CMYA5: variants seen among roughly 807,000 people sequenced by gnomAD.
CMYA5 encodes the protein cardiomyopathy associated 5.
A neutral mutation model predicts 318.9 loss-of-function variants in CMYA5; 246 were observed. That is an observed-to-expected ratio of 0.77 (90% CI 0.70 to 0.86). The LOEUF (loss-of-function observed/expected upper bound fraction) is 0.86. Ranked by LOEUF, CMYA5 falls within the 40% of genes least tolerant of loss-of-function variation. CMYA5 has a pLI of 0.00. For synonymous variants in CMYA5, 1,641 were observed against 1,729.5 expected, an observed-to-expected ratio of 0.95 and a Z score of 1.27; for missense variants, 4,589 against 4,678.2, an observed-to-expected ratio of 0.98 and a Z score of 0.56.
intron 9 of CMYA5, among the ~76,000 whole-genome samples, chr5:79,765,847 G>A (rs574126569): frequency 2.0e-5 from 3 of 152,328 alleles, no homozygotes; most frequent in Non-Finnish European, 4.4e-5. Context: ...TTTGTATCCT[G>A]AGAATTTGCT....
In CMYA5 at chr5:79,729,000, G is replaced by A; in HGVS notation, c.235G>A (p.Glu79Lys). Residue 79 changes from glutamate to lysine, a missense_variant, in exon 2 of 13, where the codon GAA (glutamate) becomes AAA (lysine). Transcript: ENST00000446378. ...CTTTTCCATGGTGACAGTCCAAAGGGAAGATAGTGGGATAACCTGGGAAAC... is the reference window on the plus strand; with the variant it reads ...CTTTTCCATGGTGACAGTCCAAAGGAAAGATAGTGGGATAACCTGGGAAAC... ...PSFSMVTVQR[E>K]DSGITWETNS... The A allele has an allele frequency of 6.2e-7, 1 of 1,613,916 alleles. No homozygotes were observed. The highest frequency in any genetic ancestry group is 1.7e-5 in the Admixed American group (1 of 60,018).
intron 7 of CMYA5, among the ~76,000 whole-genome samples, chr5:79,760,137 A>G (rs1828619760): frequency 6.8e-6 from 1 of 147,688 alleles, no homozygotes; most frequent in Non-Finnish European, 1.5e-5. Flanking sequence ...TTCTAGCTCT[A>G]TTTCATGGCT....
intron 3 of CMYA5, among the ~76,000 whole-genome samples, chr5:79,744,755 G>T (rs184796141): frequency 6.6e-6 from 1 of 152,194 alleles, no homozygotes; most frequent in Admixed American, 6.5e-5. Context: ...GACAGGCAAC[G>T]AAGTTTCTCC....
rs922133598 is a variant in CMYA5, at chr5:79,731,536, A to G, written c.2771A>G (p.Asn924Ser). ...QEEEIVHRSL[N>S]LKGASSPMNL... ...GAAGAAATTGTCCATAGATCTCTAA[A>G]TCTAAAAGGTGCATCCTCACCCATG... Residue 924 changes from asparagine to serine, a missense_variant, in exon 2 of 13, where the codon AAT becomes AGT. Coordinates refer to ENST00000446378, the MANE Select transcript of CMYA5 (RefSeq NM_153610.5). 2 of 1,604,306 alleles carry G rather than the reference A, an allele frequency of 1.2e-6. No homozygotes were observed. The highest frequency in any genetic ancestry group is 4.5e-5 in the East Asian group (2 of 44,850).
At chr5:79,784,947 T>G (rs551331653) in intron 9 of CMYA5, among the ~76,000 whole-genome samples, 1 of 152,170 alleles carries the variant, frequency 6.6e-6, no homozygotes, top group Non-Finnish European at 1.5e-5. Flanking sequence ...CCCAGTAATT[T>G]CATTTTTAAA....
At chr5:79,755,493 G>T (rs1828509803) in intron 6 of CMYA5, among the ~76,000 whole-genome samples, 1 of 152,002 alleles carries the variant, frequency 6.6e-6, no homozygotes. Flanking sequence ...TGCTGTGTTG[G>T]CCAGGTTGGT....
chr5:79,709,387 G>A (rs554337682), intron 1 of CMYA5, among the ~76,000 whole-genome samples: 2 of 152,236 alleles, frequency 1.3e-5, no homozygotes, highest in South Asian at 2.1e-4. Flanking sequence ...CAGGGTACTG[G>A]GTAAAGAAAG....
chr5:79,791,550 A>T (rs1262278810), intron 11 of CMYA5, among the ~76,000 whole-genome samples: 3 of 151,908 alleles, frequency 2.0e-5, no homozygotes, highest in Non-Finnish European at 4.4e-5. Context: ...GTGAGACTCC[A>T]TCTCTACTAA....
chr5:79,798,259 A>T (rs745919733), intron 12 of CMYA5, among the ~76,000 whole-genome samples: 5 of 151,892 alleles, frequency 3.3e-5, no homozygotes, highest in Non-Finnish European at 7.4e-5. Context: ...TCCCTGCCAG[A>T]CCCGTCGCTT....
At position 79,701,090 on chromosome 5, in the gene CMYA5, C is replaced by CCAAA. The variant is rs55791310; in HGVS notation, c.149+11034_149+11035insCAAA. Reference sequence around the variant, plus strand: ...TGAAACCCCATCTCTACTAAAAATACAAAAAAAAAAAAAAAAAATTAGCCG... The same window carrying CCAAA: ...TGAAACCCCATCTCTACTAAAAATACCAAAAAAAAAAAAAAAAAAAAATTAGCCG... On this transcript the variant is annotated intron_variant, in intron 1 of 12. Coordinates refer to ENST00000446378, the MANE Select transcript of CMYA5 (RefSeq NM_153610.5). Among the ~76,000 whole-genome samples the CCAAA allele has an allele frequency of 1.9e-4, 22 of 114,926 alleles. 1 individual carries two copies. The highest frequency in any genetic ancestry group is 4.9e-4 in the African/African-American group (16 of 32,328). The allele number at this position is 114,926 out of a possible 152,430, so 75.4% of individuals were successfully genotyped here.
chr5:79,752,593 A>T (rs1422460136), intron 5 of CMYA5, 83 bp from the exon 6 acceptor site: 3 of 943,898 alleles, frequency 3.2e-6, no homozygotes, highest in Non-Finnish European at 4.9e-6. Context: ...TACCAACACC[A>T]GCTTCATTTT....
At chr5:79,697,681 C>A (rs1827095198) in intron 1 of CMYA5, among the ~76,000 whole-genome samples, 1 of 152,154 alleles carries the variant, frequency 6.6e-6, no homozygotes, top group Non-Finnish European at 1.5e-5. Flanking sequence ...CTGGCAGGGC[C>A]TGTGCTGGAA....
At chr5:79,706,409 G>A (rs1316710574) in intron 1 of CMYA5, among the ~76,000 whole-genome samples, 1 of 152,170 alleles carries the variant, frequency 6.6e-6, no homozygotes, top group East Asian at 1.9e-4. Flanking sequence ...ATATTAATCA[G>A]CAGTAACAGT....
Position 79,734,137 on chromosome 5 carries a change from G to A in CMYA5, c.5372G>A (p.Ser1791Asn). The change falls in exon 2 of 13, where the codon AGT becomes AAT. Residue 1791 changes from serine (S) to asparagine (N), a missense_variant. Ser to Asn is a conservative substitution (Grantham distance 46). Coordinates refer to ENST00000446378, the MANE Select transcript of CMYA5 (RefSeq NM_153610.5). ...ATGGGAGATATTTTAGATAAGCTAA[G>A]TGAAGAAACAGGCCACCCAAATTCA... Reference protein sequence around the residue: ...QVMGDILDKLSEETGHPNSSQ... With the variant: ...QVMGDILDKLNEETGHPNSSQ... The A allele has an allele frequency of 3.7e-6, 6 of 1,613,808 alleles. No homozygotes were observed. Among genetic ancestry groups the A allele is most frequent in the Non-Finnish European group, 5.1e-6 (6 of 1,179,836 alleles).
chr5:79,769,323 T>C (rs259111), intron 9 of CMYA5, among the ~76,000 whole-genome samples: 64,787 of 151,674 alleles, frequency 0.43, 15,475 homozygotes, highest in African/African-American at 0.64. Context: ...ATTTTCTGTC[T>C]AGTTTTGTTC....
chr5:79,774,080 A>C (rs1201226239), intron 9 of CMYA5, among the ~76,000 whole-genome samples: 3 of 152,188 alleles, frequency 2.0e-5, no homozygotes, highest in Non-Finnish European at 2.9e-5. Flanking sequence ...TGGCGATTCC[A>C]ATTTAAGACC....
In CMYA5 at chr5:79,735,877, A is replaced by T; in HGVS notation, c.7112A>T (p.Lys2371Ile). 6.3e-7 allele frequency: 1 copy of T among 1,577,918 alleles called. No individual in the cohort carries two copies. Among genetic ancestry groups the T allele is most frequent in the East Asian group, 2.2e-5 (1 of 44,690 alleles). Residue 2371 changes from lysine to isoleucine, a missense_variant, in exon 2 of 13, where the codon AAA becomes ATA. Coordinates refer to ENST00000446378, the MANE Select transcript of CMYA5 (RefSeq NM_153610.5). ...AAGGAAGAGCCAAGAAGTGATCAAA[A>T]ACAAAAATCACTCCTTTCATTTGAT... ...IFKEEPRSDQ[K>I]QKSLLSFDVV...
At chr5:79,728,218 A>C (rs1270773353) in intron 1 of CMYA5, among the ~76,000 whole-genome samples, 1 of 152,056 alleles carries the variant, frequency 6.6e-6, no homozygotes, top group Admixed American at 6.6e-5. Flanking sequence ...CCGAACAGTG[A>C]ATTATTGTTA....
Position 79,799,892 on chromosome 5 carries a change from G to T in CMYA5, c.*276G>T. The stretch of plus-strand genomic sequence containing the variant: ...AATTAAAAGATCTACACTTGAGTTG[G>T]GAACCGAAAGAGAAAAATGGACTTC... On this transcript the variant is annotated 3_prime_UTR_variant, in exon 13 of 13. Transcript: ENST00000446378. 4.3e-6 allele frequency: 1 copy of T among 234,554 alleles called. No individual in the cohort carries two copies. Among genetic ancestry groups the T allele is most frequent in the Non-Finnish European group, 8.4e-6 (1 of 119,116 alleles). The allele number at this position is 234,554 out of a possible 1,614,324, so 14.5% of individuals were successfully genotyped here. A position where few individuals can be genotyped will look rare whatever the true frequency, so the allele number is the denominator to read the frequency against.
Sources: allele counts gnomAD v4.1 joint callset (sites outside exome capture counted in the v4.1 genomes callset), GRCh38; gene constraint gnomAD v4.1.1; transcripts MANE v1.5; gene names NCBI Gene and HGNC (gene_info 2026-07-23, HGNC 2026-07-21).